ZNF385D: variants seen among roughly 807,000 people sequenced by gnomAD.
The protein encoded by ZNF385D is zinc finger protein 385D.
ZNF385D carries 15 observed loss-of-function variants against 35.8 expected under a neutral mutation model. The observed-to-expected ratio is 0.42, with a 90% CI of 0.28 to 0.64. The LOEUF (loss-of-function observed/expected upper bound fraction) is 0.64, where lower values mean the gene tolerates loss of function less well. Among genes scored for constraint, ZNF385D ranks in the 30% least tolerant of loss-of-function variants. The pLI is 0.23. For synonymous variants in ZNF385D, 212 were observed against 186.8 expected (o/e 1.13, Z -1.10); for missense variants, 474 against 494.6 (o/e 0.96, Z 0.39).
intron 3 of ZNF385D, among the ~76,000 whole-genome samples, chr3:21,848,300 G>A (rs1696146398): frequency 1.3e-5 from 2 of 151,966 alleles, no homozygotes; most frequent in South Asian, 4.1e-4. Context: ...TAGTGCTACA[G>A]TGAACATGGG....
chr3:21,878,826 T>C (rs1030522283), intron 3 of ZNF385D, among the ~76,000 whole-genome samples: 31 of 152,090 alleles, frequency 2.0e-4, no homozygotes, highest in African/African-American at 7.5e-4. Context: ...CAAGTTATTT[T>C]CAACTATATA....
intron 4 of ZNF385D, among the ~76,000 whole-genome samples, chr3:21,468,424 AG>A (rs1212564195): frequency 4.6e-4 from 66 of 143,164 alleles, no homozygotes; most frequent in African/African-American, 1.7e-3. Context: ...AAAAAAAAAA[AG>A]TATATGCAGA....
At chr3:21,643,506 A>G (rs987096221) in intron 2 of ZNF385D, among the ~76,000 whole-genome samples, 4 of 152,146 alleles carry the variant, frequency 2.6e-5, no homozygotes, top group Non-Finnish European at 5.9e-5. Flanking sequence ...AAAGAAAAAC[A>G]TATGTCTGCA....
intron 3 of ZNF385D, among the ~76,000 whole-genome samples, chr3:22,082,668 C>A (rs1052334302): frequency 6.6e-6 from 1 of 152,202 alleles, no homozygotes; most frequent in Non-Finnish European, 1.5e-5. Context: ...CAGACTTAAA[C>A]ATCCCTGTCT....
intron 3 of ZNF385D, among the ~76,000 whole-genome samples, chr3:21,562,922 C>T (rs929722796): frequency 1.3e-5 from 2 of 152,096 alleles, no homozygotes; most frequent in Non-Finnish European, 2.9e-5. Context: ...AAAGTTCTAT[C>T]CCTCAAAGTG....
intron 3 of ZNF385D, among the ~76,000 whole-genome samples, chr3:21,863,605 A>T (rs1183275351): frequency 6.6e-6 from 1 of 152,124 alleles, no homozygotes; most frequent in African/African-American, 2.4e-5. Flanking sequence ...GGGTTGGGGA[A>T]ATTTAATAAT....
chr3:22,284,712 C>T (rs1701938550), intron 2 of ZNF385D, among the ~76,000 whole-genome samples: 1 of 152,012 alleles, frequency 6.6e-6, no homozygotes, highest in South Asian at 2.1e-4. Context: ...ACAGCCTCTT[C>T]CTACTTGAGA....
At chr3:21,724,665 G>C (rs115676280) in intron 1 of ZNF385D, among the ~76,000 whole-genome samples, 4,143 of 152,012 alleles carry the variant, frequency 0.027, 171 homozygotes, top group African/African-American at 0.093. Context: ...CAGGACAGGA[G>C]CACCCAGATT....
intron 3 of ZNF385D, among the ~76,000 whole-genome samples, chr3:21,966,048 C>A (rs1312628757): frequency 6.6e-6 from 1 of 152,118 alleles, no homozygotes; most frequent in African/African-American, 2.4e-5. Flanking sequence ...TTTCTTCTTT[C>A]CTAGATCTTT....
intron 3 of ZNF385D, among the ~76,000 whole-genome samples, chr3:21,909,082 C>T (rs1214517608): frequency 6.6e-6 from 1 of 151,936 alleles, no homozygotes; most frequent in African/African-American, 2.4e-5. Context: ...ACAAGTTAAA[C>T]GTTCATTGAT....
At chr3:22,247,119 G>A (rs1250440134) in intron 2 of ZNF385D, among the ~76,000 whole-genome samples, 2 of 152,006 alleles carry the variant, frequency 1.3e-5, no homozygotes, top group African/African-American at 4.8e-5. Flanking sequence ...GCATCAGGAA[G>A]TAAAACTATA....
rs181057956 is a variant in ZNF385D, at chr3:22,159,234, C to T, written c.325+9583G>A. ...CCCTAAACACACTCACTCCCACGCA[C>T]ATACATGCAGAGAAGCACAAATGAA... On this transcript the variant is annotated intron_variant, in intron 3 of 5. Coordinates refer to the ZNF385D transcript ENST00000494108. Among the ~76,000 whole-genome samples, 96 of 152,220 alleles carry T rather than the reference C, an allele frequency of 6.3e-4. 1 individual carries two copies. Among genetic ancestry groups the T allele is most frequent in the Admixed American group, 2.2e-3 (34 of 15,266 alleles).
intron 3 of ZNF385D, among the ~76,000 whole-genome samples, chr3:21,807,579 G>C (rs941935612): frequency 6.6e-6 from 1 of 152,010 alleles, no homozygotes; most frequent in African/African-American, 2.4e-5. Flanking sequence ...AAATACAATA[G>C]TGAATATATT....
intron 2 of ZNF385D, among the ~76,000 whole-genome samples, chr3:22,371,851 G>A (rs550434306): frequency 2.0e-5 from 3 of 152,190 alleles, no homozygotes; most frequent in Admixed American, 6.5e-5. Context: ...TTGGAGGGAC[G>A]CTTCATATAA....
chr3:21,738,424 A>G (rs1449937429), intron 1 of ZNF385D, among the ~76,000 whole-genome samples: 7 of 152,176 alleles, frequency 4.6e-5, no homozygotes, highest in Admixed American at 3.3e-4. Context: ...GGCTGTTGTG[A>G]AGACTGTTTG....
chr3:21,853,507 C>CT (rs753500007), intron 3 of ZNF385D, among the ~76,000 whole-genome samples: 62 of 45,290 alleles, frequency 1.4e-3, no homozygotes, highest in South Asian at 7.4e-3. Context: ...AATTGCAGTC[C>CT]TTTTTTTTTT....
chr3:21,925,243 G>C (rs965294323), intron 3 of ZNF385D, among the ~76,000 whole-genome samples: 1 of 152,152 alleles, frequency 6.6e-6, no homozygotes, highest in Non-Finnish European at 1.5e-5. Context: ...TCAATTTCAA[G>C]ACTTTCTATA....
chr3:21,746,262 A>C (rs1246137920), intron 1 of ZNF385D, among the ~76,000 whole-genome samples: 3 of 152,216 alleles, frequency 2.0e-5, no homozygotes, highest in Non-Finnish European at 4.4e-5. Context: ...TTATCCCTTA[A>C]ATAAGCATAC....
intron 3 of ZNF385D, among the ~76,000 whole-genome samples, chr3:21,814,343 A>G (rs887755694): frequency 1.3e-5 from 2 of 152,200 alleles, no homozygotes; most frequent in East Asian, 1.9e-4. Context: ...AAATTCACAC[A>G]TAACAATATT....
Sources: allele counts gnomAD v4.1 joint callset (sites outside exome capture counted in the v4.1 genomes callset), GRCh38; gene constraint gnomAD v4.1.1; transcripts MANE v1.5; gene names NCBI Gene and HGNC (gene_info 2026-07-23, HGNC 2026-07-21).